Variants in USP6NL observed in about 807,000 individuals in gnomAD.
The protein encoded by USP6NL is USP6 N-terminal like.
USP6NL carries 26 observed loss-of-function variants against 61.9 expected under a neutral mutation model. That is an observed-to-expected ratio of 0.42 (90% CI 0.31 to 0.58). The LOEUF is 0.58. Ranked by LOEUF, USP6NL falls within the 20% of genes least tolerant of loss-of-function variation. The pLI, the probability that USP6NL is intolerant of heterozygous loss-of-function variation, is 0.16. For synonymous variants in USP6NL, 432 were observed against 390.1 expected (o/e 1.11, Z -1.27); for missense variants, 1,114 against 1,034.3 (o/e 1.08, Z -1.06).
chr10:11,583,773 A>T (rs1837871278), intron 2 of USP6NL, among the ~76,000 whole-genome samples: 2 of 152,202 alleles, frequency 1.3e-5, no homozygotes, highest in African/African-American at 4.8e-5. Context: ...CATGCCTGTA[A>T]TCCCAGTACT....
intron 6 of USP6NL, among the ~76,000 whole-genome samples, chr10:11,502,646 C>T (rs1356482269): frequency 6.6e-6 from 1 of 152,168 alleles, no homozygotes; most frequent in African/African-American, 2.4e-5. Context: ...TATTACACTA[C>T]TGAGACTTTT....
At chr10:11,539,382 CCTTA>C (rs1835961571) in intron 2 of USP6NL, among the ~76,000 whole-genome samples, 1 of 152,232 alleles carries the variant, frequency 6.6e-6, no homozygotes, top group African/African-American at 2.4e-5. Flanking sequence ...GTCTCCTGCG[CCTTA>C]CTTCTCAAGG....
In USP6NL at chr10:11,490,556, CAA is replaced by C. The variant is rs1022013437; in HGVS notation, c.543+274_543+275del. Among the ~76,000 whole-genome samples, 1 of 152,222 alleles carries C rather than the reference CAA, an allele frequency of 6.6e-6. No individual in the cohort carries two copies. The highest frequency in any genetic ancestry group is 2.4e-5 in the African/African-American group (1 of 41,458). On this transcript the variant is annotated intron_variant, in intron 9 of 14. Coordinates refer to ENST00000609104, the MANE Select transcript of USP6NL (RefSeq NM_014688.5). The surrounding 1 kb of genome is among the most constrained non-coding windows in gnomAD (Gnocchi z 4.5). ...GCTTAAAAATAAAAACAAAACAACA[CAA>C]AACATTACAAAGCAAAACAATATGG...
rs764342021 is a variant in USP6NL at position 11,554,966 on chromosome 10, A to ATTTTTTTTTTTTTTTTT, written c.5-27416_5-27400dup. ...AGGTGCCTGCCACCATGCCCGGCTA[A>ATTTTTTTTTTTTTTTTT]TTTTTTTTTTTTTTTTTTTACTAGA... On this transcript the variant is annotated intron_variant, in intron 2 of 14. Transcript: ENST00000609104. 9.6e-3 allele frequency among the ~76,000 whole-genome samples: 1,069 copies of ATTTTTTTTTTTTTTTTT among 111,544 alleles called. 32 individuals are homozygous for ATTTTTTTTTTTTTTTTT. The highest frequency in any genetic ancestry group is 0.018 in the Admixed American group (183 of 10,162). The allele number at this position is 111,544 out of a possible 152,430, so 73.2% of individuals were successfully genotyped here.
At chr10:11,594,125 C>T (rs1379705188) in intron 2 of USP6NL, among the ~76,000 whole-genome samples, 1 of 152,098 alleles carries the variant, frequency 6.6e-6, no homozygotes, top group Admixed American at 6.5e-5. Flanking sequence ...AAAACAAGAA[C>T]TCTGACACAC....
chr10:11,479,921 T>C (rs925888030), intron 14 of USP6NL, among the ~76,000 whole-genome samples: 1 of 152,152 alleles, frequency 6.6e-6, no homozygotes, highest in African/African-American at 2.4e-5. Flanking sequence ...ATTTTCTTGG[T>C]ATGAGGTTCA....
rs1039730780 is a variant in USP6NL, at chr10:11,587,362, A to G, written c.4+10269T>C. 3.3e-5 allele frequency among the ~76,000 whole-genome samples: 5 copies of G among 152,180 alleles called. No homozygotes were observed. Among genetic ancestry groups the G allele is most frequent in the Admixed American group, 1.3e-4 (2 of 15,280 alleles). On this transcript the variant is annotated intron_variant, in intron 2 of 14. Transcript: ENST00000609104. The surrounding 1 kb of genome is among the most constrained non-coding windows in gnomAD (Gnocchi z 4.5). ...GTCTAACTTTGAATTTGAATTTCCT[A>G]TCCTTTGCAATATTCCAAGTTAATC...
rs1012677405 is a variant in USP6NL, at chr10:11,478,660, T to G, written c.1078+3110A>C. 1.3e-5 allele frequency among the ~76,000 whole-genome samples: 2 copies of G among 152,166 alleles called. No individual in the cohort carries two copies. The highest frequency in any genetic ancestry group is 2.4e-5 in the African/African-American group (1 of 41,442). On this transcript the variant is annotated intron_variant, in intron 14 of 14. Coordinates refer to ENST00000609104, the MANE Select transcript of USP6NL (RefSeq NM_014688.5). This position sits in a 1 kb window ranked among gnomAD's most constrained non-coding sequence, Gnocchi z 6.8. Reference sequence around the variant, plus strand: ...CCGGATACTCCTGTTATCCTAGCACTTTGGGAGGCTGAGGTGGGCAGATTG... The same window carrying G: ...CCGGATACTCCTGTTATCCTAGCACGTTGGGAGGCTGAGGTGGGCAGATTG...
chr10:11,498,729 T>C (rs1177093549), intron 7 of USP6NL, among the ~76,000 whole-genome samples: 1 of 152,072 alleles, frequency 6.6e-6, no homozygotes, highest in African/African-American at 2.4e-5. Flanking sequence ...TTGGAGGAGA[T>C]CAGGGAAGGT....
At chr10:11,580,867 T>TGATGGATGGATGGATGGATGGATG (rs112761648) in intron 2 of USP6NL, among the ~76,000 whole-genome samples, 1 of 149,744 alleles carries the variant, frequency 6.7e-6, no homozygotes, top group Non-Finnish European at 1.5e-5. Flanking sequence ...AACGGATAGA[T>TGATGGATGGATGGATGGATGGATG]GATGGATGGA....
At chr10:11,593,595 T>C (rs922457368) in intron 2 of USP6NL, among the ~76,000 whole-genome samples, 3 of 152,192 alleles carry the variant, frequency 2.0e-5, no homozygotes, top group East Asian at 1.9e-4. Context: ...TTTTTGTGGA[T>C]TGTAATAAAG....
rs777963725 is a variant in USP6NL at position 11,462,508 on chromosome 10, G to A, written c.2420C>T (p.Pro807Leu). 3.1e-6 allele frequency: 5 copies of A among 1,614,018 alleles called. No homozygotes were observed. The highest frequency in any genetic ancestry group is 2.2e-5 in the South Asian group (2 of 91,084). Residue 807 changes from proline (P) to leucine (L), a missense_variant, in exon 15 of 15, where the codon CCC (proline) becomes CTC (leucine). Physicochemically the swap from Pro to Leu is moderately conservative, Grantham distance 98 (BLOSUM62 -3). Coordinates refer to ENST00000609104, the MANE Select transcript of USP6NL (RefSeq NM_014688.5). ...ASPSGYPYSG[P>L]PPPAYHYRNR... ...CCTGTAGTGGTAGGCTGGAGGCGGG[G>A]GCCCTGAATATGGATATCCAGATGG...
intron 7 of USP6NL, among the ~76,000 whole-genome samples, chr10:11,498,738 G>T (rs1591847520): frequency 6.6e-6 from 1 of 152,080 alleles, no homozygotes; most frequent in African/African-American, 2.4e-5. Context: ...ATCAGGGAAG[G>T]TCTTTGCAAT....
chr10:11,462,225 T>C lies in USP6NL; in HGVS notation c.*216A>G, dbSNP rs935569009. ...AAATGCTATTGCGATGTTTCCGGGT[T>C]AAATTCTAACAGGTCAGTGATGATG... On this transcript the variant is annotated 3_prime_UTR_variant, in exon 15 of 15. Coordinates refer to ENST00000609104, the MANE Select transcript of USP6NL (RefSeq NM_014688.5). 3.6e-6 allele frequency: 2 copies of C among 561,878 alleles called. No individual in the cohort carries two copies. Among genetic ancestry groups the C allele is most frequent in the Non-Finnish European group, 6.0e-6 (2 of 331,190 alleles). The allele number at this position is 561,878 out of a possible 1,614,324, so 34.8% of individuals were successfully genotyped here.
intron 1 of USP6NL, among the ~76,000 whole-genome samples, chr10:11,609,111 T>A (rs1838796709): frequency 6.6e-6 from 1 of 152,150 alleles, no homozygotes; most frequent in African/African-American, 2.4e-5. Flanking sequence ...GTGGCCCAGG[T>A]TGGAGTGCAG....
chr10:11,568,882 C>T (rs935549738), intron 2 of USP6NL, among the ~76,000 whole-genome samples: 19 of 152,184 alleles, frequency 1.2e-4, no homozygotes, highest in African/African-American at 4.6e-4. Context: ...AAATCCTCAG[C>T]AGGCTTTTGC....
rs1838352179 is a variant in USP6NL at position 11,597,020 on chromosome 10, T to A, written c.4+611A>T. Among the ~76,000 whole-genome samples, 1 of 152,120 alleles carries A rather than the reference T, an allele frequency of 6.6e-6. No individual in the cohort carries two copies. Among genetic ancestry groups the A allele is most frequent in the South Asian group, 2.1e-4 (1 of 4,830 alleles). On this transcript the variant is annotated intron_variant, in intron 2 of 14. Transcript: ENST00000609104. This position sits in a 1 kb window ranked among gnomAD's most constrained non-coding sequence, Gnocchi z 4.6. ...ATCCCAGTTAGGGTAAAATCTCAAT[T>A]CTTTTCCCACCCTCTAAAAAGAAAC...
At chr10:11,535,319 C>A (rs12219987) in intron 2 of USP6NL, among the ~76,000 whole-genome samples, 30,368 of 152,064 alleles carry the variant, frequency 0.2, 3,384 homozygotes, top group South Asian at 0.25. Context: ...ATTTACAGCA[C>A]CCTAAAGTAT....
At position 11,589,433 on chromosome 10, in the gene USP6NL, A is replaced by G. The variant is rs112137340; in HGVS notation, c.4+8198T>C. Among the ~76,000 whole-genome samples, 2 of 152,348 alleles carry G rather than the reference A, an allele frequency of 1.3e-5. No homozygotes were observed. Among genetic ancestry groups the G allele is most frequent in the African/African-American group, 4.8e-5 (2 of 41,586 alleles). ...CACTTCACACATGACCTACATCTAC[A>G]TATCATAGAAAGACAATAATATAAA... On this transcript the variant is annotated intron_variant, in intron 2 of 14. Transcript: ENST00000609104. The surrounding 1 kb of genome is among the most constrained non-coding windows in gnomAD (Gnocchi z 4.7).
Sources: allele counts gnomAD v4.1 joint callset (sites outside exome capture counted in the v4.1 genomes callset), GRCh38; gene constraint gnomAD v4.1.1; non-coding constraint Gnocchi (gnomAD v3.1); transcripts MANE v1.5; gene names NCBI Gene and HGNC (gene_info 2026-07-23, HGNC 2026-07-21).